The following BRF1 variants were observed in gnomAD, a reference collection of about 807,000 sequenced individuals.
The protein encoded by BRF1 is BRF1 general transcription factor IIIB subunit, also known as transcription factor IIIB 90 kDa subunit.
BRF1 carries 59 observed loss-of-function variants against 81.7 expected under a neutral mutation model. The ratio of observed to expected loss-of-function variants is 0.72; its 90% CI spans 0.59 to 0.90. The LOEUF (loss-of-function observed/expected upper bound fraction) is 0.90, where lower values mean the gene tolerates loss of function less well. BRF1 is among the 40% of genes least tolerant of loss of function. The pLI is 0.00. For missense variants in BRF1, 1,050 were observed against 936.3 expected, an observed-to-expected ratio of 1.12 and a Z score of -1.58; for synonymous variants, 491 against 395.6, an observed-to-expected ratio of 1.24 and a Z score of -2.86.
intron 5 of BRF1, chr14:105,250,932 G>C: frequency 2.1e-6 from 1 of 484,256 alleles, no homozygotes. Context: ...TCCCCTCCCA[G>C]TGGCACCCAT....
intron 16 of BRF1, chr14:105,211,833 T>C: frequency 1.9e-6 from 1 of 524,580 alleles, no homozygotes; most frequent in Non-Finnish European, 3.5e-6. Context: ...ACAGGCTCCC[T>C]GCAGGCACCA....
chr14:105,211,103 G>A lies in BRF1; in HGVS notation c.1996+19C>T, dbSNP rs1159475670. 1.9e-6 allele frequency: 3 copies of A among 1,611,382 alleles called. No homozygotes were observed. Among genetic ancestry groups the A allele is most frequent in the Non-Finnish European group, 2.5e-6 (3 of 1,179,798 alleles). On this transcript the variant is annotated intron_variant, in intron 17 of 17. Coordinates refer to ENST00000547530, the MANE Select transcript of BRF1 (RefSeq NM_001519.4). The stretch of plus-strand genomic sequence containing the variant: ...CTTTATTTCCCTTGAACCCCTCCCT[G>A]TTGTCGGGCCCCACCCACCGTTGCT...
Position 105,211,228 on chromosome 14 carries a change from C to G in BRF1, c.1890G>C (p.Glu630Asp). 6.2e-7 allele frequency: 1 copy of G among 1,611,146 alleles called. No individual in the cohort carries two copies. Among genetic ancestry groups the G allele is most frequent in the Non-Finnish European group, 8.5e-7 (1 of 1,179,544 alleles). ...CGGCGTGGTATGACACGGGCCCGCT[C>G]TCCACCAGCACCGCCTGGGGCCTGG... is the stretch of plus-strand genomic sequence containing the variant. ...EPARPQAVLV[E>D]SGPVSYHADE... is the part of the protein sequence containing the mutation. The change falls in exon 17 of 18, where the codon GAG becomes GAC. Residue 630 changes from glutamate (E) to aspartate (D), a missense_variant. Around this residue, in one of 2 missense-constraint regions of BRF1, gnomAD observed 1,043 missense variants for 915.4 expected, o/e 1.14. Transcript: ENST00000547530.
chr14:105,291,681 G>A (rs28594491), intron 1 of BRF1, among the ~76,000 whole-genome samples: 38,143 of 151,966 alleles, frequency 0.25, 5,067 homozygotes, highest in South Asian at 0.29. Context: ...TTCTGTTGCT[G>A]CTGTGAAACT....
At chr14:105,217,982 T>A (rs1021326600) in intron 14 of BRF1, among the ~76,000 whole-genome samples, 182 bp from the exon 15 acceptor site, 2 of 152,118 alleles carry the variant, frequency 1.3e-5, no homozygotes, top group African/African-American at 4.8e-5. Context: ...CCTGCCCACG[T>A]CAAATCCTGC....
rs1309840181 is a variant in BRF1 at position 105,300,602 on chromosome 14, C to CGCAACCGCG, written c.19_27dup (p.Arg7_Cys9dup). On this transcript the variant is annotated inframe_insertion, in exon 1 of 18. Coordinates refer to ENST00000547530, the MANE Select transcript of BRF1 (RefSeq NM_001519.4). The stretch of plus-strand genomic sequence containing the variant: ...GCGTCCAGCTCGATGTCCGTGCCGC[C>CGCAACCGCG]GCAACCGCGGCACACGCGGCCCGTC... 1 of 1,447,814 alleles carries CGCAACCGCG rather than the reference C, an allele frequency of 6.9e-7. No homozygotes were observed. The highest frequency in any genetic ancestry group is 9.1e-7 in the Non-Finnish European group (1 of 1,104,452). The allele number at this position is 1,447,814 out of a possible 1,614,324, so 89.7% of individuals were successfully genotyped here.
At position 105,211,230 on chromosome 14, in the gene BRF1, C is replaced by T. The variant is rs763449903; in HGVS notation, c.1888G>A (p.Glu630Lys). ...GCGTGGTATGACACGGGCCCGCTCT[C>T]CACCAGCACCGCCTGGGGCCTGGCA... The part of the protein sequence containing the change: ...EPARPQAVLV[E>K]SGPVSYHADE... Residue 630 changes from glutamate (E) to lysine (K), a missense_variant, in exon 17 of 18, where the codon GAG becomes AAG. By Grantham distance (56) the Glu-to-Lys change is moderately conservative. Coordinates refer to ENST00000547530, the MANE Select transcript of BRF1 (RefSeq NM_001519.4). 2 of 1,610,604 alleles carry T rather than the reference C, an allele frequency of 1.2e-6. No individual in the cohort carries two copies. The highest frequency in any genetic ancestry group is 3.3e-5 in the Admixed American group (2 of 59,968).
intron 14 of BRF1, 22 bp from the exon 15 acceptor site, chr14:105,217,822 T>C (rs774675128): frequency 1.2e-6 from 2 of 1,605,824 alleles, no homozygotes; most frequent in Non-Finnish European, 1.7e-6. Context: ...CAAGCAAGAA[T>C]GCCTCCCGTG....
intron 6 of BRF1, among the ~76,000 whole-genome samples, chr14:105,229,342 C>T (rs587678623): frequency 3.3e-5 from 5 of 152,340 alleles, no homozygotes; most frequent in South Asian, 2.1e-4. Flanking sequence ...CCAGAACCTC[C>T]AGTGCAAACA....
intron 5 of BRF1, chr14:105,247,884 A>T: frequency 1.0e-6 from 1 of 985,558 alleles, no homozygotes; most frequent in Non-Finnish European, 1.2e-6. Flanking sequence ...GCCCCATGCC[A>T]CGCACCTCCC....
chr14:105,246,817 T>A, intron 5 of BRF1: 5 of 985,262 alleles, frequency 5.1e-6, no homozygotes, highest in Non-Finnish European at 6.0e-6. Context: ...AGGATGAAAA[T>A]TATTATTCAC....
chr14:105,221,900 T>G lies in BRF1; in HGVS notation c.1063A>C (p.Thr355Pro), dbSNP rs1595283319. The G allele has an allele frequency of 6.3e-7, 1 of 1,594,692 alleles. No homozygotes were observed. Among genetic ancestry groups the G allele is most frequent in the Non-Finnish European group, 8.5e-7 (1 of 1,170,976 alleles). ...TCCTCGCCACACAAGCTGGACGCGG[T>G]GTCCTCGGTGGAGCCTAGGTGTACA... is the stretch of plus-strand genomic sequence containing the variant. Reference protein sequence around the residue: ...SLAKDGSTEDTASSLCGEEDT... With the variant: ...SLAKDGSTEDPASSLCGEEDT... The change falls in exon 11 of 18, where the codon ACC (threonine) becomes CCC (proline). Residue 355 changes from threonine (T) to proline (P), a missense_variant. Physicochemically the swap from Thr to Pro is conservative, Grantham distance 38. This residue lies in a region of BRF1 where 1,043 missense variants were observed against 915.4 expected (regional missense o/e 1.14). Transcript: ENST00000547530.
chr14:105,314,227 G>C (rs192761952), intron 1 of BRF1, among the ~76,000 whole-genome samples: 1 of 151,844 alleles, frequency 6.6e-6, no homozygotes, highest in Non-Finnish European at 1.5e-5. Context: ...CCGCACAGCC[G>C]GGCCAACCCA....
rs1027851913 is a variant in BRF1, at chr14:105,253,753, C to T, written c.472-1174G>A. 3.9e-5 allele frequency among the ~76,000 whole-genome samples: 6 copies of T among 152,228 alleles called. 1 individual carries two copies. The highest frequency in any genetic ancestry group is 8.8e-5 in the Non-Finnish European group (6 of 68,040). ...AGTGGGGCGCAGCTTCCATCTTCTCCATTATATCCGAGGGCTCCATCACAA... is the reference window on the plus strand; with the variant it reads ...AGTGGGGCGCAGCTTCCATCTTCTCTATTATATCCGAGGGCTCCATCACAA... On this transcript the variant is annotated intron_variant, in intron 4 of 17. Transcript: ENST00000547530.
chr14:105,247,704 T>C (rs2055214296), intron 5 of BRF1: 6 of 985,262 alleles, frequency 6.1e-6, no homozygotes, highest in Admixed American at 6.2e-5. Flanking sequence ...GTTTTAAAAG[T>C]CTAAAGCCTG....
At chr14:105,252,874 C>T (rs1229845146) in intron 4 of BRF1, among the ~76,000 whole-genome samples, 1 of 152,234 alleles carries the variant, frequency 6.6e-6, no homozygotes, top group Non-Finnish European at 1.5e-5. Context: ...ACGGTGCACG[C>T]AGCATTTCAT....
Position 105,209,907 on chromosome 14 carries a change from G to C in BRF1, c.*644C>G, listed in dbSNP as rs927447021. 2.5e-6 allele frequency: 1 copy of C among 400,700 alleles called. No homozygotes were observed. The highest frequency in any genetic ancestry group is 2.1e-5 in the African/African-American group (1 of 48,298). 24.8% of individuals were successfully genotyped at this position (400,700 alleles called of 1,614,324 possible). Reference sequence around the variant, plus strand: ...TGCTGCTCCAGGCGGTGCAGGCAGCGGGGAGGGGGGTCTGGAGGAGGCAGG... The same window carrying C: ...TGCTGCTCCAGGCGGTGCAGGCAGCCGGGAGGGGGGTCTGGAGGAGGCAGG... On this transcript the variant is annotated 3_prime_UTR_variant, in exon 18 of 18. Transcript: ENST00000547530.
At chr14:105,225,148 G>C (rs587696985) in intron 10 of BRF1, among the ~76,000 whole-genome samples, 2 of 152,188 alleles carry the variant, frequency 1.3e-5, no homozygotes, top group African/African-American at 4.8e-5. Context: ...TCCAGAGTTC[G>C]ACCAGGCTGG....
chr14:105,273,877 TC>T (rs2056764766), intron 2 of BRF1, among the ~76,000 whole-genome samples: 1 of 152,102 alleles, frequency 6.6e-6, no homozygotes, highest in Non-Finnish European at 1.5e-5. Flanking sequence ...GACCTGACCG[TC>T]CCCCAGCCCG....
Sources: allele counts gnomAD v4.1 joint callset (sites outside exome capture counted in the v4.1 genomes callset), GRCh38; gene constraint gnomAD v4.1.1; regional missense constraint gnomAD v4.1.1; transcripts MANE v1.5; gene names NCBI Gene and HGNC (gene_info 2026-07-23, HGNC 2026-07-21).